The following PDE4DIP variants were observed in gnomAD, a reference collection of about 807,000 sequenced individuals.
PDE4DIP encodes phosphodiesterase 4D interacting protein, also known as myomegalin.
In PDE4DIP, 59 loss-of-function variants were observed where a neutral mutation model predicts 221.4. That is an observed-to-expected ratio of 0.27 (90% CI 0.22 to 0.33). The LOEUF (loss-of-function observed/expected upper bound fraction) is 0.33. PDE4DIP is among the 10% of genes least tolerant of loss of function. The pLI is 1.00. For missense variants in PDE4DIP, 1,036 were observed against 2,154.2 expected (o/e 0.48, Z 10.28); for synonymous variants, 404 against 815.9 (o/e 0.50, Z 8.60).
chr1:148,984,764 T>C (rs1165836535), intron 21 of PDE4DIP: 2 of 152,166 alleles, frequency 1.3e-5, no homozygotes, highest in South Asian at 4.1e-4. Flanking sequence ...AAAGTCACTT[T>C]CCTTTGGACT....
At chr1:148,933,081 G>T (rs3124681) in intron 4 of PDE4DIP, among the ~76,000 whole-genome samples, 7,360 of 152,118 alleles carry the variant, frequency 0.048, 566 homozygotes, top group African/African-American at 0.17. Flanking sequence ...TTGTTTATAA[G>T]CCTCCCAGTT....
At chr1:148,929,393 G>C in intron 2 of PDE4DIP, 120 bp downstream of exon 5, 3 of 1,379,588 alleles carry the variant, frequency 2.2e-6, no homozygotes, top group African/African-American at 2.9e-5. Context: ...ATCTGATTCA[G>C]GAACTGAAAC....
intron 5 of PDE4DIP, among the ~76,000 whole-genome samples, chr1:148,951,774 G>A (rs2053347921): frequency 6.6e-6 from 1 of 152,304 alleles, no homozygotes; most frequent in African/African-American, 2.4e-5. Context: ...TCTAAAGAAG[G>A]GCAAGTCACC....
intron 5 of PDE4DIP, among the ~76,000 whole-genome samples, chr1:148,948,072 C>A (rs587613188): frequency 2.4e-4 from 34 of 144,030 alleles, no homozygotes; most frequent in African/African-American, 8.1e-4. Context: ...CAACATATTT[C>A]ATTGTAGATT....
chr1:148,934,424 G>A (rs1214013105), intron 4 of PDE4DIP, among the ~76,000 whole-genome samples: 1 of 152,168 alleles, frequency 6.6e-6, no homozygotes, highest in Admixed American at 6.5e-5. Flanking sequence ...ATTTTGGAGA[G>A]TAGGAGAACA....
intron 2 of PDE4DIP, chr1:148,866,626 GA>G (rs1686895142): frequency 2.6e-5 from 1 of 37,752 alleles, no homozygotes; most frequent in Non-Finnish European, 5.3e-5. Context: ...GGGAGGGAGG[GA>G]GGGGGAAGGG....
At chr1:148,971,201 A>AT (rs2059143077) in intron 14 of PDE4DIP, among the ~76,000 whole-genome samples, 1 of 151,650 alleles carries the variant, frequency 6.6e-6, no homozygotes, top group Admixed American at 6.6e-5. Flanking sequence ...ATGTGGTCTG[A>AT]TAAACATGTT....
chr1:148,973,252 C>G (rs1170548739), intron 16 of PDE4DIP, among the ~76,000 whole-genome samples: 9 of 152,114 alleles, frequency 5.9e-5, no homozygotes, highest in Non-Finnish European at 1.3e-4. Flanking sequence ...CTGCTCACCT[C>G]TCGAGTAGCT....
intron 1 of PDE4DIP, among the ~76,000 whole-genome samples, chr1:148,919,808 T>A (rs1174856909): frequency 6.7e-6 from 1 of 150,302 alleles, no homozygotes; most frequent in African/African-American, 2.5e-5. Context: ...TTTTTAAAAA[T>A]TCCTTTAGTT....
chr1:148,844,209 G>T (rs1290185483), intron 1 of PDE4DIP, among the ~76,000 whole-genome samples: 1 of 103,956 alleles, frequency 9.6e-6, no homozygotes, highest in Non-Finnish European at 2.3e-5. Flanking sequence ...ACCTTCGTTG[G>T]GATGGGCGAG....
chr1:148,905,137 G>C (rs1553449109), intron 1 of PDE4DIP, among the ~76,000 whole-genome samples: 1 of 140,902 alleles, frequency 7.1e-6, no homozygotes, highest in East Asian at 2.2e-4. Flanking sequence ...ATTTAAGCTA[G>C]GAGGGTTGTA....
At chr1:148,959,442 A>G (rs587605250) in intron 5 of PDE4DIP, among the ~76,000 whole-genome samples, 124 of 152,262 alleles carry the variant, frequency 8.1e-4, no homozygotes, top group Non-Finnish European at 1.5e-3. Flanking sequence ...CTGTAACTCC[A>G]CTGCCTTGAA....
chr1:148,925,872 G>T (rs587765213), intron 1 of PDE4DIP, among the ~76,000 whole-genome samples: 1 of 152,060 alleles, frequency 6.6e-6, no homozygotes, highest in Non-Finnish European at 1.5e-5. Flanking sequence ...GCAGGAAAGT[G>T]ATAGAGCCAG....
At chr1:148,987,508 G>T (rs1189156203) in intron 21 of PDE4DIP, among the ~76,000 whole-genome samples, 9 of 152,272 alleles carry the variant, frequency 5.9e-5, no homozygotes, top group African/African-American at 2.2e-4. Flanking sequence ...GTGAAATTGG[G>T]CTGAGAGTAT....
intron 27 of PDE4DIP, among the ~76,000 whole-genome samples, 191 bp downstream of exon 30, chr1:149,005,628 T>C (rs2066790684): frequency 6.6e-6 from 1 of 151,606 alleles, no homozygotes; most frequent in South Asian, 2.1e-4. Context: ...TGTTCCAGTA[T>C]CTGGGAGATA....
intron 1 of PDE4DIP, among the ~76,000 whole-genome samples, chr1:148,826,073 C>A (rs1490665044): frequency 1.2e-5 from 1 of 86,112 alleles, no homozygotes; most frequent in African/African-American, 4.2e-5. Context: ...GAGTGCCTTG[C>A]TCCTCTCATC....
At chr1:148,981,976 G>C (rs1305753698) in intron 21 of PDE4DIP, 1 of 155,672 alleles carries the variant, frequency 6.4e-6, no homozygotes, top group Admixed American at 6.2e-5. Flanking sequence ...TTATCAGAAG[G>C]TAATCAAAAC....
intron 3 of PDE4DIP, among the ~76,000 whole-genome samples, chr1:148,884,113 G>T (rs1553427827): frequency 2.3e-5 from 2 of 87,982 alleles, no homozygotes; most frequent in African/African-American, 5.4e-5. Flanking sequence ...CACCCCCACT[G>T]CCCTCCTCCC....
In PDE4DIP at chr1:148,998,137, T is replaced by C. The variant is rs2064748256; in HGVS notation, c.2905-6T>C. 1 of 954,362 alleles carries C rather than the reference T, an allele frequency of 1.0e-6. No homozygotes were observed. The highest frequency in any genetic ancestry group is 2.4e-4 in the Middle Eastern group (1 of 4,226). The allele number at this position is 954,362 out of a possible 1,614,324, so 59.1% of individuals were successfully genotyped here. A position where few individuals can be genotyped will look rare whatever the true frequency, so the allele number is the denominator to read the frequency against. On this transcript the variant is annotated splice_polypyrimidine_tract_variant and splice_region_variant and intron_variant, in intron 22 of 43. Coordinates refer to ENST00000369354, the Ensembl canonical transcript of PDE4DIP. Reference sequence around the variant, plus strand: ...CTAACTTCTTCAAACCATGATTTTCTTTTAGCTTGTCAAGGTGGCTTTGGA... The same window carrying C: ...CTAACTTCTTCAAACCATGATTTTCCTTTAGCTTGTCAAGGTGGCTTTGGA...
Sources: allele counts gnomAD v4.1 joint callset (sites outside exome capture counted in the v4.1 genomes callset), GRCh38; gene constraint gnomAD v4.1.1; transcripts MANE v1.5; gene names NCBI Gene and HGNC (gene_info 2026-07-23, HGNC 2026-07-21).